Variants in SAMD12 observed in about 807,000 individuals in gnomAD.
SAMD12 encodes the protein sterile alpha motif domain-containing protein 12.
A neutral mutation model predicts 15.0 loss-of-function variants in SAMD12; 9 were observed. The ratio of observed to expected loss-of-function variants is 0.60; its 90% CI spans 0.36 to 1.05. The LOEUF is 1.05. SAMD12 is among the 50% of genes least tolerant of loss of function. The pLI, the probability that SAMD12 is intolerant of heterozygous loss-of-function variation, is 0.01. For missense variants in SAMD12, 230 were observed against 234.2 expected (o/e 0.98, Z 0.12); for synonymous variants, 86 against 90.1 (o/e 0.96, Z 0.25).
At chr8:118,142,379 T>G in the SAMD12 span, among the ~76,000 whole-genome samples, 1 of 152,210 alleles carries the variant, frequency 6.6e-6, no homozygotes, top group African/African-American at 2.4e-5. Context: ...CCTCTTGCCT[T>G]CTATCACCTA....
intron 4 of SAMD12, among the ~76,000 whole-genome samples, chr8:118,332,084 G>A (rs184283738): frequency 3.9e-5 from 6 of 152,050 alleles, no homozygotes; most frequent in Admixed American, 3.3e-4. Context: ...AGCAAAACTA[G>A]CTCCCCCTTC....
At chr8:118,500,069 T>TTTTG (rs1824739366) in intron 2 of SAMD12, among the ~76,000 whole-genome samples, 3 of 123,224 alleles carry the variant, frequency 2.4e-5, no homozygotes, top group African/African-American at 3.5e-5. Flanking sequence ...AGTTTTGCCT[T>TTTTG]TTTTTTTTTT....
intron 3 of SAMD12, among the ~76,000 whole-genome samples, chr8:118,425,850 C>T (rs13251719): frequency 0.53 from 81,203 of 151,994 alleles, 24,250 homozygotes; most frequent in Non-Finnish European, 0.65. Context: ...TTGTCCATTT[C>T]AGAACCCCAC....
chr8:118,195,869 T>C (rs2129750374), exon 5 of SAMD12: 1 of 152,482 alleles, frequency 6.6e-6, no homozygotes, highest in African/African-American at 2.4e-5. Flanking sequence ...CCACATGAGA[T>C]GGGCAGTGGA....
intron 4 of SAMD12, among the ~76,000 whole-genome samples, chr8:118,318,742 T>A (rs2130438986): frequency 6.6e-6 from 1 of 152,250 alleles, no homozygotes; most frequent in East Asian, 1.9e-4. Flanking sequence ...TGCTTGTATT[T>A]GCTTGAGGGA....
At chr8:118,242,835 G>A (rs1400235894) in intron 4 of SAMD12, among the ~76,000 whole-genome samples, 1 of 152,144 alleles carries the variant, frequency 6.6e-6, no homozygotes, top group Non-Finnish European at 1.5e-5. Flanking sequence ...ATCAGAAAAT[G>A]CACATTAAAA....
chr8:118,313,211 G>A (rs1815716256), intron 4 of SAMD12, among the ~76,000 whole-genome samples: 1 of 152,172 alleles, frequency 6.6e-6, no homozygotes, highest in Non-Finnish European at 1.5e-5. Context: ...AGAAATCCAT[G>A]TGGAATATAA....
intron 4 of SAMD12, among the ~76,000 whole-genome samples, chr8:118,244,941 T>C (rs1381175930): frequency 6.6e-6 from 1 of 152,140 alleles, no homozygotes; most frequent in Admixed American, 6.5e-5. Flanking sequence ...ACAACTTCTC[T>C]TCCTGGCACA....
chr8:118,295,217 T>C (rs1030364659), intron 4 of SAMD12, among the ~76,000 whole-genome samples: 10 of 152,216 alleles, frequency 6.6e-5, no homozygotes, highest in Non-Finnish European at 1.2e-4. Context: ...CTCTAAATTA[T>C]TGCTTTGTTG....
chr8:118,541,607 G>A (rs1185238205), intron 2 of SAMD12, among the ~76,000 whole-genome samples: 2 of 152,180 alleles, frequency 1.3e-5, no homozygotes, highest in African/African-American at 4.8e-5. Context: ...AAAATAGCGG[G>A]AAGAGGCAGA....
chr8:118,371,770 T>C (rs970300796), intron 4 of SAMD12, among the ~76,000 whole-genome samples: 2 of 152,038 alleles, frequency 1.3e-5, no homozygotes, highest in African/African-American at 4.8e-5. Flanking sequence ...CACTATGAAG[T>C]AGGGGATGCT....
At chr8:118,380,271 G>A (rs1054576677) in intron 3 of SAMD12, among the ~76,000 whole-genome samples, 13 of 152,206 alleles carry the variant, frequency 8.5e-5, no homozygotes, top group African/African-American at 3.1e-4. Flanking sequence ...TGGGCTGGAG[G>A]TTCCATCTCT....
chr8:118,286,293 G>A (rs1814009699), intron 4 of SAMD12, among the ~76,000 whole-genome samples: 2 of 151,802 alleles, frequency 1.3e-5, no homozygotes, highest in South Asian at 4.2e-4. Flanking sequence ...TTGTGCACAT[G>A]TACCCTAGAA....
intron 2 of SAMD12, among the ~76,000 whole-genome samples, chr8:118,515,493 A>G (rs1825216761): frequency 6.6e-6 from 1 of 152,072 alleles, no homozygotes; most frequent in Non-Finnish European, 1.5e-5. Flanking sequence ...TCAGGTATTT[A>G]TTTATAGCAA....
intron 4 of SAMD12, among the ~76,000 whole-genome samples, chr8:118,235,581 T>A (rs1812411779): frequency 6.6e-6 from 1 of 150,844 alleles, no homozygotes; most frequent in South Asian, 2.2e-4. Context: ...TGCAATCAAA[T>A]GTCAATCTTA....
chr8:118,488,569 T>C (rs961420609), intron 2 of SAMD12, among the ~76,000 whole-genome samples: 2 of 152,188 alleles, frequency 1.3e-5, no homozygotes, highest in Admixed American at 1.3e-4. Context: ...GTAACTGCTA[T>C]TCTGGTACCT....
At chr8:118,613,117 T>C (rs1437261580) in intron 1 of SAMD12, among the ~76,000 whole-genome samples, 2 of 152,214 alleles carry the variant, frequency 1.3e-5, no homozygotes, top group African/African-American at 4.8e-5. Flanking sequence ...CTCTGTATCT[T>C]GATGGTGGTA....
At chr8:118,226,791 G>A (rs1019251564) in intron 4 of SAMD12, among the ~76,000 whole-genome samples, 2 of 152,316 alleles carry the variant, frequency 1.3e-5, no homozygotes, top group East Asian at 3.9e-4. Context: ...GCAGCTTGGG[G>A]GAGTCAAGAA....
At chr8:118,269,935 T>C (rs1813307391) in intron 4 of SAMD12, among the ~76,000 whole-genome samples, 1 of 152,166 alleles carries the variant, frequency 6.6e-6, no homozygotes, top group African/African-American at 2.4e-5. Flanking sequence ...TATAGTCATA[T>C]CTCATCTGTG....
Sources: allele counts gnomAD v4.1 joint callset (sites outside exome capture counted in the v4.1 genomes callset), GRCh38; gene constraint gnomAD v4.1.1; transcripts MANE v1.5; gene names NCBI Gene and HGNC (gene_info 2026-07-23, HGNC 2026-07-21).